SVEP1: variants seen among roughly 807,000 people sequenced by gnomAD.
SVEP1 encodes the protein sushi, von Willebrand factor type A, EGF and pentraxin domain containing 1.
A neutral mutation model predicts 367.3 loss-of-function variants in SVEP1; 164 were observed. The ratio of observed to expected loss-of-function variants is 0.45; its 90% CI spans 0.39 to 0.51. The LOEUF is 0.51. Among genes scored for constraint, SVEP1 ranks in the 20% least tolerant of loss-of-function variants. The pLI, the probability that SVEP1 is intolerant of heterozygous loss-of-function variation, is 0.00. For missense variants in SVEP1, 4,117 were observed against 4,425.3 expected, an observed-to-expected ratio of 0.93 and a Z score of 1.98; for synonymous variants, 1,666 against 1,611.6, an observed-to-expected ratio of 1.03 and a Z score of -0.81.
At chr9:110,466,785 G>A (rs913238158) in intron 17 of SVEP1, among the ~76,000 whole-genome samples, 2 of 144,754 alleles carry the variant, frequency 1.4e-5, no homozygotes, top group African/African-American at 2.6e-5. Flanking sequence ...AAAAGAACTG[G>A]CTGCTCTAAA....
intron 1 of SVEP1, among the ~76,000 whole-genome samples, chr9:110,554,174 AT>A (rs141773766): frequency 3.3e-5 from 5 of 150,626 alleles, no homozygotes; most frequent in Non-Finnish European, 5.9e-5. Flanking sequence ...GCTTTATACT[AT>A]TTTTTTTTGT....
At chr9:110,547,876 A>G (rs1455590152) in intron 2 of SVEP1, among the ~76,000 whole-genome samples, 2 of 152,186 alleles carry the variant, frequency 1.3e-5, no homozygotes, top group Non-Finnish European at 1.5e-5. Context: ...AAACTCAACT[A>G]AAGTATTACA....
chr9:110,534,132 G>C (rs983942881), intron 3 of SVEP1, among the ~76,000 whole-genome samples: 2 of 152,064 alleles, frequency 1.3e-5, no homozygotes, highest in Non-Finnish European at 2.9e-5. Flanking sequence ...CCCAGGTACT[G>C]AGCCTAGTAC....
chr9:110,539,966 G>T (rs1830124279), intron 3 of SVEP1, among the ~76,000 whole-genome samples: 1 of 151,920 alleles, frequency 6.6e-6, no homozygotes, highest in Non-Finnish European at 1.5e-5. Flanking sequence ...TGTGACCCTG[G>T]ACAAATTGCT....
Position 110,473,435 on chromosome 9 carries a change from T to C in SVEP1, c.2600-1112A>G, listed in dbSNP as rs543395222. On this transcript the variant is annotated intron_variant, in intron 14 of 47. Coordinates refer to ENST00000374469, the MANE Select transcript of SVEP1 (RefSeq NM_153366.4). ...ACACACAGATATACATTTATGCATA[T>C]GTGCATACATACATATACATACACA... 2.8e-5 allele frequency among the ~76,000 whole-genome samples: 4 copies of C among 143,144 alleles called. No individual in the cohort carries two copies. The South Asian group carries it at 9.1e-4, about 33-fold the overall frequency. The allele number at this position is 143,144 out of a possible 152,430, so 93.9% of individuals were successfully genotyped here. A position where few individuals can be genotyped will look rare whatever the true frequency, so the allele number is the denominator to read the frequency against.
intron 3 of SVEP1, among the ~76,000 whole-genome samples, chr9:110,521,023 T>G (rs1829869506): frequency 6.6e-6 from 1 of 152,146 alleles, no homozygotes. Flanking sequence ...CTTTTCGACT[T>G]TATGGATTTG....
Position 110,386,068 on chromosome 9 carries a change from G to A in SVEP1, c.10067C>T (p.Pro3356Leu). 6.2e-7 allele frequency: 1 copy of A among 1,602,206 alleles called. No homozygotes were observed. The change falls in exon 43 of 48, where the codon CCA becomes CTA. Residue 3356 changes from proline to leucine, a missense_variant. Transcript: ENST00000374469. ...SHPVPLCKPN[P>L]CPVPFVIPEN... ...GGGAATCACAAAAGGAACAGGGCAT[G>A]GATTTGCTGTCAAAAAGAAAAGAAA...
At chr9:110,458,705 A>G in intron 19 of SVEP1, 143 bp from the exon 20 acceptor site, 2 of 934,820 alleles carry the variant, frequency 2.1e-6, no homozygotes, top group Non-Finnish European at 3.1e-6. Context: ...AAAAGAAAAC[A>G]GAGATGGATG....
Position 110,458,964 on chromosome 9 carries a change from T to A in SVEP1, c.3472A>T (p.Thr1158Ser), listed in dbSNP as rs1270688646. The change falls in exon 19 of 48, where the codon ACA becomes TCA. Residue 1158 changes from threonine to serine, a missense_variant. Thr to Ser is a moderately conservative substitution (Grantham distance 58, BLOSUM62 1). Transcript: ENST00000374469. ...TTPFAGSRSI[T>S]ECSSFSSTFS... Reference sequence around the variant, plus strand: ...AAGTTCATCTTACTTGAACATTCTGTGATGGATCTGGAACCAGCGAATGGG... The same window carrying A: ...AAGTTCATCTTACTTGAACATTCTGAGATGGATCTGGAACCAGCGAATGGG... 6.2e-7 allele frequency: 1 copy of A among 1,612,900 alleles called. No homozygotes were observed. The highest frequency in any genetic ancestry group is 1.3e-5 in the African/African-American group (1 of 74,868).
intron 5 of SVEP1, among the ~76,000 whole-genome samples, chr9:110,512,255 C>T (rs1476736929): frequency 1.3e-5 from 2 of 152,110 alleles, no homozygotes; most frequent in Admixed American, 6.5e-5. Context: ...TCTTAAATAT[C>T]CTCCTCTTCT....
chr9:110,439,814 A>C (rs1828486930), intron 27 of SVEP1, among the ~76,000 whole-genome samples: 1 of 152,158 alleles, frequency 6.6e-6, no homozygotes, highest in Admixed American at 6.5e-5. Context: ...GGATTCTCAA[A>C]CATCCTGGCC....
chr9:110,472,332 T>C lies in SVEP1; in HGVS notation c.2600-9A>G, dbSNP rs1371253571. 1 of 1,559,256 alleles carries C rather than the reference T, an allele frequency of 6.4e-7. No individual in the cohort carries two copies. Among genetic ancestry groups the C allele is most frequent in the Non-Finnish European group, 8.7e-7 (1 of 1,155,714 alleles). ...ACCCCAGCCACCTGGTCCTGGATAG[T>C]CGGGGCAGAGACACAAATGATCACA... On this transcript the variant is annotated splice_polypyrimidine_tract_variant and intron_variant, in intron 14 of 47. Transcript: ENST00000374469.
chr9:110,578,100 C>G (rs1830646446), intron 1 of SVEP1, among the ~76,000 whole-genome samples: 1 of 152,196 alleles, frequency 6.6e-6, no homozygotes, highest in Admixed American at 6.5e-5. Context: ...TATAGAAATT[C>G]TTCCTAAAGA....
intron 19 of SVEP1, 122 bp from the exon 20 acceptor site, chr9:110,458,684 T>C (rs1251481586): frequency 8.5e-6 from 9 of 1,054,466 alleles, no homozygotes; most frequent in Non-Finnish European, 1.2e-5. Flanking sequence ...TTTGTTTCAC[T>C]TATATTTTAA....
At chr9:110,369,817 T>C in intron 47 of SVEP1, 106 bp downstream of exon 47, 3 of 873,032 alleles carry the variant, frequency 3.4e-6, no homozygotes, top group Non-Finnish European at 5.2e-6. Context: ...ACATACAAAA[T>C]ACTTACAGTC....
At chr9:110,576,522 T>C (rs1340192129) in intron 1 of SVEP1, among the ~76,000 whole-genome samples, 1 of 152,046 alleles carries the variant, frequency 6.6e-6, no homozygotes, top group Non-Finnish European at 1.5e-5. Context: ...GAAATAGTTT[T>C]CCTGATTATT....
chr9:110,501,719 T>A (rs1421690150), intron 6 of SVEP1, among the ~76,000 whole-genome samples: 2 of 152,220 alleles, frequency 1.3e-5, no homozygotes, highest in Non-Finnish European at 2.9e-5. Context: ...GTTATATCAA[T>A]ATGAGTTTTA....
chr9:110,541,525 G>A (rs989204508), intron 3 of SVEP1, among the ~76,000 whole-genome samples: 4 of 152,046 alleles, frequency 2.6e-5, no homozygotes, highest in African/African-American at 9.7e-5. Flanking sequence ...GAATTCATAA[G>A]ATATACGGTT....
chr9:110,413,350 A>G (rs1400424391), intron 36 of SVEP1, among the ~76,000 whole-genome samples: 1 of 142,386 alleles, frequency 7.0e-6, no homozygotes, highest in Non-Finnish European at 1.5e-5. Flanking sequence ...ATGAGATCAC[A>G]TGGACACAGG....
Sources: allele counts gnomAD v4.1 joint callset (sites outside exome capture counted in the v4.1 genomes callset), GRCh38; gene constraint gnomAD v4.1.1; transcripts MANE v1.5; gene names NCBI Gene and HGNC (gene_info 2026-07-23, HGNC 2026-07-21).